Variants in LRRC49 observed in about 807,000 individuals in gnomAD.
The protein encoded by LRRC49 is leucine-rich repeat-containing protein 49.
A neutral mutation model predicts 83.3 loss-of-function variants in LRRC49; 50 were observed. The observed-to-expected ratio is 0.60, with a 90% confidence interval of 0.48 to 0.76. The LOEUF is 0.76. LRRC49 is among the 30% of genes least tolerant of loss of function. The probability of loss-of-function intolerance (pLI) is 0.00; values close to 1 mark genes in which losing one functional copy is unlikely to be tolerated. For synonymous variants in LRRC49, 286 were observed against 283.3 expected (o/e 1.01, Z -0.10); for missense variants, 704 against 809.1 (o/e 0.87, Z 1.58).
chr15:70,944,611 G>A (rs2035943319), intron 8 of LRRC49, among the ~76,000 whole-genome samples: 1 of 152,044 alleles, frequency 6.6e-6, no homozygotes, highest in African/African-American at 2.4e-5. Flanking sequence ...TACCATGTTG[G>A]CCATGCTGGT....
At chr15:70,873,497 T>A (rs537360076) in intron 2 of LRRC49, among the ~76,000 whole-genome samples, 12 of 152,306 alleles carry the variant, frequency 7.9e-5, no homozygotes, top group Admixed American at 6.5e-4. Flanking sequence ...CATCTTACAG[T>A]TGCATGGGCT....
chr15:71,037,355 C>A (rs776973856), intron 15 of LRRC49, 23 bp downstream of exon 15: 1 of 1,558,634 alleles, frequency 6.4e-7, no homozygotes, highest in African/African-American at 1.4e-5. Flanking sequence ...TTAATCTTTG[C>A]GATCTAATGC....
rs2034235977 is a variant in LRRC49, at chr15:70,904,822, TA to T, written c.500+68del. ...TAGGATTAATGTGGAGATGACAACT[TA>T]GAATTGAATAATACTTAAGAAATGA... On this transcript the variant is annotated intron_variant, in intron 5 of 15. Transcript: ENST00000260382. 2.6e-6 allele frequency: 3 copies of T among 1,159,232 alleles called. No individual in the cohort carries two copies. In the Admixed American group the frequency reaches 6.9e-5, roughly 27 times the overall value. 71.8% of individuals were successfully genotyped at this position (1,159,232 alleles called of 1,614,324 possible).
intron 8 of LRRC49, among the ~76,000 whole-genome samples, chr15:70,958,770 C>A (rs140481173): frequency 6.6e-6 from 1 of 152,078 alleles, no homozygotes; most frequent in Non-Finnish European, 1.5e-5. Flanking sequence ...CTATGAGTTG[C>A]GTATAAATTG....
At chr15:70,914,152 T>C (rs2034665055) in intron 6 of LRRC49, among the ~76,000 whole-genome samples, 1 of 152,034 alleles carries the variant, frequency 6.6e-6, no homozygotes, top group African/African-American at 2.4e-5. Flanking sequence ...TTTCATAATA[T>C]ATGAATCCAA....
chr15:71,040,996 A>C (rs1205827579), intron 15 of LRRC49, among the ~76,000 whole-genome samples: 1 of 152,144 alleles, frequency 6.6e-6, no homozygotes, highest in Admixed American at 6.5e-5. Flanking sequence ...CTTCATTCCC[A>C]CAGCTGCAAG....
chr15:70,887,281 T>A (rs2033435389), intron 2 of LRRC49, among the ~76,000 whole-genome samples: 1 of 152,080 alleles, frequency 6.6e-6, no homozygotes, highest in South Asian at 2.1e-4. Context: ...TGGCATAATC[T>A]TCATACCAAA....
chr15:71,048,711 G>A (rs1713569), intron 15 of LRRC49: 205,081 of 432,144 alleles, frequency 0.47, 49,468 homozygotes, highest in East Asian at 0.65. Flanking sequence ...TGATGAAATT[G>A]GGGCACAATA....
chr15:70,993,163 C>T (rs921740843), intron 11 of LRRC49, among the ~76,000 whole-genome samples: 34 of 152,178 alleles, frequency 2.2e-4, no homozygotes, highest in African/African-American at 5.8e-4. Flanking sequence ...GCTCTGTGGA[C>T]GTAGGAACCC....
Position 70,883,696 on chromosome 15 carries a change from C to T in LRRC49, c.19-9888C>T, listed in dbSNP as rs1008763773. Reference sequence around the variant, plus strand: ...AGGGGTCTCCCTCTGTCACCCAGACCGGAGTGCAGAAGCATGATCTTGGCT... The same window carrying T: ...AGGGGTCTCCCTCTGTCACCCAGACTGGAGTGCAGAAGCATGATCTTGGCT... On this transcript the variant is annotated intron_variant, in intron 2 of 16. Coordinates refer to the LRRC49 transcript ENST00000544974. Among the ~76,000 whole-genome samples, 9 of 151,010 alleles carry T rather than the reference C, an allele frequency of 6.0e-5. No homozygotes were observed. The East Asian group carries it at 1.4e-3, about 23-fold the overall frequency.
chr15:71,035,567 A>G (rs2039493034), intron 14 of LRRC49, among the ~76,000 whole-genome samples: 1 of 151,310 alleles, frequency 6.6e-6, no homozygotes, highest in African/African-American at 2.4e-5. Context: ...TCATTGTTCA[A>G]CTCCCACTTG....
chr15:70,992,348 C>T (rs774691182), intron 11 of LRRC49, among the ~76,000 whole-genome samples: 4 of 152,180 alleles, frequency 2.6e-5, no homozygotes, highest in African/African-American at 4.8e-5. Context: ...CCGTTGCTGG[C>T]GAGGAGCTGC....
intron 15 of LRRC49, among the ~76,000 whole-genome samples, chr15:71,048,476 C>A (rs1345594656): frequency 1.3e-5 from 2 of 152,018 alleles, no homozygotes; most frequent in Non-Finnish European, 2.9e-5. Context: ...TTAAATGGAT[C>A]CTTTTTCTAG....
chr15:70,877,404 T>C (rs1022183765), intron 2 of LRRC49, among the ~76,000 whole-genome samples: 1 of 152,238 alleles, frequency 6.6e-6, no homozygotes, highest in African/African-American at 2.4e-5. Context: ...TCTGTCACTA[T>C]AGATTTTTTT....
chr15:70,873,748 C>T (rs897066830), intron 2 of LRRC49, among the ~76,000 whole-genome samples: 1 of 152,192 alleles, frequency 6.6e-6, no homozygotes, highest in East Asian at 1.9e-4. Flanking sequence ...AGCAAGAGGA[C>T]AAGCCCAGGG....
chr15:70,859,718 G>A (rs905575104), intron 1 of LRRC49: 22 of 688,184 alleles, frequency 3.2e-5, no homozygotes, highest in African/African-American at 2.8e-4. Flanking sequence ...GGCCACCATC[G>A]CAGATGTGGA....
chr15:71,017,237 A>G (rs1355200190), intron 14 of LRRC49, among the ~76,000 whole-genome samples: 1 of 152,194 alleles, frequency 6.6e-6, no homozygotes, highest in Non-Finnish European at 1.5e-5. Flanking sequence ...TTAAATTACA[A>G]ATTTACTTAA....
chr15:70,957,253 A>G (rs2036434463), intron 8 of LRRC49, among the ~76,000 whole-genome samples: 1 of 152,206 alleles, frequency 6.6e-6, no homozygotes, highest in Non-Finnish European at 1.5e-5. Flanking sequence ...TGAGAAACAA[A>G]TGATAGACTC....
rs2034558669 is a variant in LRRC49, at chr15:70,911,676, C to T, written c.567+78C>T. 1.1e-5 allele frequency: 9 copies of T among 836,684 alleles called. No individual in the cohort carries two copies. In the South Asian group the frequency reaches 1.6e-4, roughly 15 times the overall value. The allele number at this position is 836,684 out of a possible 1,614,324, so 51.8% of individuals were successfully genotyped here. A position where few individuals can be genotyped will look rare whatever the true frequency, so the allele number is the denominator to read the frequency against. ...TGGTATAAAAGTTTTAAGAATCATA[C>T]TCGCATTGAATTTTTCAAGAGTTTC... is the stretch of plus-strand genomic sequence containing the variant. On this transcript the variant is annotated intron_variant, in intron 6 of 15. Coordinates refer to ENST00000260382, the MANE Select transcript of LRRC49 (RefSeq NM_017691.5).
Sources: gnomAD v4.1 joint callset for allele counts (sites outside exome capture counted in the v4.1 genomes callset) on GRCh38, gnomAD v4.1.1 for gene constraint, MANE v1.5 for transcripts, NCBI Gene and HGNC (gene_info 2026-07-23, HGNC 2026-07-21) for gene names.